The following MOGAT1 variants were observed in gnomAD, a reference collection of about 807,000 sequenced individuals.
MOGAT1 encodes the protein 2-acylglycerol O-acyltransferase 1.
Under a neutral mutation model 31.4 loss-of-function variants are expected in MOGAT1, and 32 were observed. That is an observed-to-expected ratio of 1.02 (90% CI 0.77 to 1.37). The LOEUF (loss-of-function observed/expected upper bound fraction) is 1.37. Ranked by LOEUF, MOGAT1 falls within the 40% of genes most tolerant of loss-of-function variation. The pLI, the probability that MOGAT1 is intolerant of heterozygous loss-of-function variation, is 0.00. For synonymous variants in MOGAT1, 145 were observed against 144.5 expected (o/e 1.00, Z -0.03); for missense variants, 426 against 402.0 (o/e 1.06, Z -0.51).
At chr2:222,690,320 A>T (rs1692737567) in intron 3 of MOGAT1, among the ~76,000 whole-genome samples, 1 of 152,160 alleles carries the variant, frequency 6.6e-6, no homozygotes, top group Non-Finnish European at 1.5e-5. Context: ...GCACTTTGGG[A>T]GGCCGAGGTG....
At chr2:222,682,133 C>G (rs1692590161) in intron 1 of MOGAT1, among the ~76,000 whole-genome samples, 1 of 152,160 alleles carries the variant, frequency 6.6e-6, no homozygotes, top group Non-Finnish European at 1.5e-5. Context: ...CACACACACA[C>G]ACATACGTGT....
intron 2 of MOGAT1, among the ~76,000 whole-genome samples, chr2:222,689,012 G>A (rs34666618): frequency 0.15 from 22,573 of 152,088 alleles, 1,891 homozygotes; most frequent in East Asian, 0.31. Context: ...ACCATAGCAG[G>A]GAGAAAGGCT....
intron 5 of MOGAT1, among the ~76,000 whole-genome samples, chr2:222,698,253 G>A (rs189403885): frequency 3.3e-5 from 5 of 152,338 alleles, no homozygotes; most frequent in Admixed American, 3.3e-4. Context: ...TTACTTCCAT[G>A]TATTTCCTTT....
intron 5 of MOGAT1, among the ~76,000 whole-genome samples, chr2:222,706,966 A>C (rs1693011361): frequency 6.6e-6 from 1 of 152,254 alleles, no homozygotes; most frequent in Admixed American, 6.5e-5. Flanking sequence ...TGAGGCTGGT[A>C]GATCACTTGG....
chr2:222,692,897 T>C (rs1692783327), intron 3 of MOGAT1, among the ~76,000 whole-genome samples: 1 of 152,088 alleles, frequency 6.6e-6, no homozygotes, highest in Admixed American at 6.6e-5. Flanking sequence ...CAACTCTCAC[T>C]CAGGTTCACA....
intron 3 of MOGAT1, among the ~76,000 whole-genome samples, chr2:222,692,886 C>A (rs1200002207): frequency 6.6e-6 from 1 of 152,110 alleles, no homozygotes; most frequent in African/African-American, 2.4e-5. Context: ...AGAGATGCAC[C>A]CAACTCTCAC....
intron 1 of MOGAT1, among the ~76,000 whole-genome samples, chr2:222,684,405 CAA>C (rs529717196): frequency 7.4e-6 from 1 of 135,186 alleles, no homozygotes; most frequent in African/African-American, 2.7e-5. Context: ...GACTCTGTCT[CAA>C]AAAAAAAAAG....
At chr2:222,699,591 G>C (rs1455571388) in intron 5 of MOGAT1, 1 of 142,826 alleles carries the variant, frequency 7.0e-6, no homozygotes, top group Non-Finnish European at 1.5e-5. Flanking sequence ...CTGCCTCCTG[G>C]ATTCAGGCCA....
intron 5 of MOGAT1, among the ~76,000 whole-genome samples, chr2:222,701,758 C>T (rs1574977455): frequency 6.6e-6 from 1 of 152,082 alleles, no homozygotes; most frequent in Non-Finnish European, 1.5e-5. Flanking sequence ...GTGGCTGATG[C>T]TCCAGCGCTG....
At chr2:222,678,724 T>G (rs1692534852) in intron 1 of MOGAT1, among the ~76,000 whole-genome samples, 1 of 152,164 alleles carries the variant, frequency 6.6e-6, no homozygotes, top group South Asian at 2.1e-4. Flanking sequence ...GTGAATCACC[T>G]GAGGTCAGGA....
At chr2:222,693,558 A>G (rs1268388272) in intron 3 of MOGAT1, among the ~76,000 whole-genome samples, 1 of 151,758 alleles carries the variant, frequency 6.6e-6, no homozygotes, top group Non-Finnish European at 1.5e-5. Context: ...TTACAGTTCT[A>G]CATGGCTGGG....
At chr2:222,694,762 G>A (rs1295570084) in intron 4 of MOGAT1, among the ~76,000 whole-genome samples, 1 of 152,078 alleles carries the variant, frequency 6.6e-6, no homozygotes, top group East Asian at 1.9e-4. Flanking sequence ...GCAAAACAAC[G>A]AGAACAACAA....
At chr2:222,701,389 A>C (rs1191742458) in intron 5 of MOGAT1, among the ~76,000 whole-genome samples, 1 of 149,904 alleles carries the variant, frequency 6.7e-6, no homozygotes, top group Non-Finnish European at 1.5e-5. Flanking sequence ...AAAGAGAAAG[A>C]AAGAAAGAAA....
intron 3 of MOGAT1, 55 bp from the exon 4 acceptor site, chr2:222,694,307 C>G: frequency 7.0e-7 from 1 of 1,419,718 alleles, no homozygotes. Context: ...TATGATAAAA[C>G]ATTGTAATAT....
chr2:222,680,068 T>C (rs895672736), intron 1 of MOGAT1, among the ~76,000 whole-genome samples: 41 of 152,262 alleles, frequency 2.7e-4, no homozygotes, highest in African/African-American at 9.6e-4. Context: ...CCCTGATTAA[T>C]GAATAGTGAA....
chr2:222,697,673 A>C (rs1321616533), intron 5 of MOGAT1, among the ~76,000 whole-genome samples: 2 of 147,894 alleles, frequency 1.4e-5, no homozygotes, highest in Non-Finnish European at 3.0e-5. Flanking sequence ...TCCTGGGTTC[A>C]AGCAATTCTC....
chr2:222,687,869 T>G (rs927602024), intron 1 of MOGAT1, among the ~76,000 whole-genome samples: 4 of 152,216 alleles, frequency 2.6e-5, no homozygotes, highest in Admixed American at 6.5e-5. Flanking sequence ...TCGGTGATGA[T>G]TCTTCCATAT....
intron 1 of MOGAT1, among the ~76,000 whole-genome samples, chr2:222,687,108 C>A (rs1692681894): frequency 3.8e-5 from 3 of 78,324 alleles, no homozygotes; most frequent in Non-Finnish European, 6.8e-5. Context: ...AGTGAGACTC[C>A]ATCTCAAAAA....
chr2:222,689,218 T>G, intron 2 of MOGAT1, 47 bp from the exon 3 acceptor site: 1 of 1,444,932 alleles, frequency 6.9e-7, no homozygotes, highest in Non-Finnish European at 9.4e-7. Context: ...TGGAAAATAA[T>G]AAGGGAAGTT....
Sources: allele counts gnomAD v4.1 joint callset (sites outside exome capture counted in the v4.1 genomes callset), GRCh38; gene constraint gnomAD v4.1.1; transcripts MANE v1.5; gene names NCBI Gene and HGNC (gene_info 2026-07-23, HGNC 2026-07-21).